The following STRADA variants were observed in gnomAD, a reference collection of about 807,000 sequenced individuals.
The protein encoded by STRADA is STE20 related adaptor alpha.
In STRADA, 26 loss-of-function variants were observed where a neutral mutation model predicts 55.0. The ratio of observed to expected loss-of-function variants is 0.47; its 90% CI spans 0.35 to 0.66. STRADA has a LOEUF of 0.66. Among genes scored for constraint, STRADA ranks in the 30% least tolerant of loss-of-function variants. The probability of loss-of-function intolerance (pLI) is 0.01; values close to 1 mark genes in which losing one functional copy is unlikely to be tolerated. For missense variants in STRADA, 443 were observed against 549.7 expected, an observed-to-expected ratio of 0.81 and a Z score of 1.94; for synonymous variants, 197 against 210.9, an observed-to-expected ratio of 0.93 and a Z score of 0.57.
chr17:63,717,119 C>CTATTG (rs1245323931), intron 4 of STRADA: 4 of 152,184 alleles, frequency 2.6e-5, no homozygotes, highest in Admixed American at 6.5e-5. Context: ...CTATTCTCCT[C>CTATTG]CTCCTTCTAT....
chr17:63,704,055 G>A lies in STRADA; in HGVS notation c.1101-8C>T, dbSNP rs2035897622. ...AGGGTGCTGGCACTGGGCCTGGAGG[G>A]AAAGGGGAGGAGAGACCGCAGCATC... On this transcript the variant is annotated splice_polypyrimidine_tract_variant and splice_region_variant and intron_variant, in intron 11 of 12. Transcript: ENST00000336174. 6.2e-7 allele frequency: 1 copy of A among 1,613,236 alleles called. No homozygotes were observed. Among genetic ancestry groups the A allele is most frequent in the Non-Finnish European group, 8.5e-7 (1 of 1,179,618 alleles).
chr17:63,707,777 C>A (rs2083266079), intron 8 of STRADA, among the ~76,000 whole-genome samples: 1 of 151,564 alleles, frequency 6.6e-6, no homozygotes, highest in South Asian at 2.1e-4. Context: ...GTCGCACAGA[C>A]TGGAGTGTAG....
chr17:63,735,930 G>A (rs780706594), intron 1 of STRADA, among the ~76,000 whole-genome samples: 1 of 152,146 alleles, frequency 6.6e-6, no homozygotes, highest in Non-Finnish European at 1.5e-5. Context: ...CCAGTCAGCA[G>A]CTTTTCTATT....
chr17:63,724,866 T>C (rs2037536984), intron 3 of STRADA, among the ~76,000 whole-genome samples: 1 of 152,218 alleles, frequency 6.6e-6, no homozygotes, highest in Admixed American at 6.5e-5. Flanking sequence ...ATCATTATTC[T>C]AAACTCCCAT....
At chr17:63,711,526 AT>A (rs1359992611) in intron 6 of STRADA, among the ~76,000 whole-genome samples, 1 of 151,584 alleles carries the variant, frequency 6.6e-6, no homozygotes, top group Non-Finnish European at 1.5e-5. Flanking sequence ...AATTTTTTAT[AT>A]TTTTTTGTAG....
Position 63,728,475 on chromosome 17 carries a change from G to C in STRADA, c.-44-62C>G, listed in dbSNP as rs1307625376. 6.5e-6 allele frequency: 6 copies of C among 924,876 alleles called. No individual in the cohort carries two copies. In the East Asian group the frequency reaches 1.5e-4, roughly 24 times the overall value. The allele number at this position is 924,876 out of a possible 1,614,324, so 57.3% of individuals were successfully genotyped here. A position where few individuals can be genotyped will look rare whatever the true frequency, so the allele number is the denominator to read the frequency against. On this transcript the variant is annotated intron_variant, in intron 1 of 12. Coordinates refer to ENST00000336174, the MANE Select transcript of STRADA (RefSeq NM_001003787.4). ...ATCTCCTTATAGAGAAATATCTTCT[G>C]ATTAACAAAAACTTATTACAGGTCT...
chr17:63,728,174 T>G lies in STRADA; in HGVS notation c.36+160A>C, dbSNP rs1598243149. 9 of 595,618 alleles carry G rather than the reference T, an allele frequency of 1.5e-5. No homozygotes were observed. The East Asian group carries it at 2.8e-4, about 18-fold the overall frequency. The allele number at this position is 595,618 out of a possible 1,614,324, so 36.9% of individuals were successfully genotyped here. On this transcript the variant is annotated intron_variant, in intron 2 of 12. Coordinates refer to ENST00000336174, the MANE Select transcript of STRADA (RefSeq NM_001003787.4). ...CTGGTCAGCCTCTGTCTGCAAACTCTTCTCAGGAGTGGAGGCTGCACTACC... is the reference window on the plus strand; with the variant it reads ...CTGGTCAGCCTCTGTCTGCAAACTCGTCTCAGGAGTGGAGGCTGCACTACC...
At chr17:63,718,241 C>T (rs989871877) in intron 4 of STRADA, among the ~76,000 whole-genome samples, 8 of 152,126 alleles carry the variant, frequency 5.3e-5, no homozygotes, top group Admixed American at 2.0e-4. Flanking sequence ...CTTTTTGAAA[C>T]GATCTCATCT....
chr17:63,724,690 G>A lies in STRADA; in HGVS notation c.95-1364C>T, dbSNP rs186646168. ...GCCTCCCAAAGTGCTGGGATTCCAT[G>A]CATGAGCCACCGTGCCCAGCCTCAT... On this transcript the variant is annotated intron_variant, in intron 3 of 12. Transcript: ENST00000336174. Among the ~76,000 whole-genome samples, 986 of 151,460 alleles carry A rather than the reference G, an allele frequency of 6.5e-3. 10 individuals are homozygous for A. The highest frequency in any genetic ancestry group is 0.023 in the African/African-American group (930 of 41,240).
chr17:63,725,364 G>A (rs1311441299), intron 3 of STRADA, among the ~76,000 whole-genome samples: 1 of 152,088 alleles, frequency 6.6e-6, no homozygotes, highest in African/African-American at 2.4e-5. Flanking sequence ...TTGAGACGGA[G>A]TCTCAAAAAC....
At chr17:63,709,785 G>A (rs1009137352) in intron 8 of STRADA, among the ~76,000 whole-genome samples, 1 of 152,138 alleles carries the variant, frequency 6.6e-6, no homozygotes, top group South Asian at 2.1e-4. Context: ...TCCCTACTAT[G>A]AGCTGATTTC....
intron 10 of STRADA, chr17:63,704,972 G>A: frequency 7.0e-7 from 1 of 1,434,278 alleles, no homozygotes; most frequent in South Asian, 1.2e-5. Context: ...TGCTCAGGTG[G>A]ATCCGATGAG....
In STRADA at chr17:63,714,633, C is replaced by T; in HGVS notation, c.124-525G>A. The T allele has an allele frequency of 1.6e-5, 3 of 188,438 alleles. No homozygotes were observed. The South Asian group carries it at 2.9e-4, about 18-fold the overall frequency. 11.7% of individuals were successfully genotyped at this position (188,438 alleles called of 1,614,324 possible). On this transcript the variant is annotated intron_variant, in intron 4 of 12. Coordinates refer to ENST00000336174, the MANE Select transcript of STRADA (RefSeq NM_001003787.4). ...AGAGCCCGGGCCAGTCATTGCCTGA[C>T]ATTTCCAAGTGAAGTGGGAGAACCC...
At chr17:63,729,253 A>G (rs988206049) in intron 1 of STRADA, among the ~76,000 whole-genome samples, 7 of 151,992 alleles carry the variant, frequency 4.6e-5, no homozygotes, top group African/African-American at 1.7e-4. Flanking sequence ...GACTTTTAAA[A>G]TTTTCTTTAC....
chr17:63,707,499 G>T, intron 8 of STRADA, 81 bp from the exon 9 acceptor site: 1 of 1,364,998 alleles, frequency 7.3e-7, no homozygotes, highest in Non-Finnish European at 1.0e-6. Flanking sequence ...ACTCCACCTG[G>T]CCAGCTCTCT....
At chr17:63,723,183 G>T in intron 4 of STRADA, 115 bp downstream of exon 4, 1 of 1,243,808 alleles carries the variant, frequency 8.0e-7, no homozygotes, top group Non-Finnish European at 1.2e-6. Flanking sequence ...TACAAATAAA[G>T]CTCAGTGACA....
At chr17:63,714,163 G>C (rs777232384) in intron 4 of STRADA, 55 bp from the exon 5 acceptor site, 3 of 1,346,322 alleles carry the variant, frequency 2.2e-6, no homozygotes, top group African/African-American at 1.4e-5. Flanking sequence ...TGGGATGGGA[G>C]TGGGGTGAAG....
chr17:63,722,407 T>C (rs148572300), intron 4 of STRADA, among the ~76,000 whole-genome samples: 237 of 152,324 alleles, frequency 1.6e-3, no homozygotes, highest in African/African-American at 5.1e-3. Flanking sequence ...TGTAAAAATA[T>C]AAAAATCCTA....
intron 1 of STRADA, among the ~76,000 whole-genome samples, chr17:63,736,887 A>G (rs1343681838): frequency 7.0e-6 from 1 of 142,086 alleles, no homozygotes; most frequent in Non-Finnish European, 1.5e-5. Flanking sequence ...AAAAATTCCA[A>G]CAGAAATTAA....
Sources: allele counts gnomAD v4.1 joint callset (sites outside exome capture counted in the v4.1 genomes callset), GRCh38; gene constraint gnomAD v4.1.1; transcripts MANE v1.5; gene names NCBI Gene and HGNC (gene_info 2026-07-23, HGNC 2026-07-21).